Variants in NFX1 observed in about 807,000 individuals in gnomAD.
The protein encoded by NFX1 is nuclear transcription factor, X-box binding 1, also known as transcriptional repressor NF-X1.
Under a neutral mutation model 137.2 loss-of-function variants are expected in NFX1, and 69 were observed. The ratio of observed to expected loss-of-function variants is 0.50; its 90% confidence interval spans 0.41 to 0.61. The LOEUF is 0.61. Among genes scored for constraint, NFX1 ranks in the 20% least tolerant of loss-of-function variants. NFX1 has a pLI of 0.00. For synonymous variants in NFX1, 495 were observed against 474.1 expected (o/e 1.04, Z -0.57); for missense variants, 1,167 against 1,391.0 (o/e 0.84, Z 2.56).
chr9:33,342,683 G>T, intron 12 of NFX1, 63 bp from the exon 13 acceptor site: 1 of 1,100,106 alleles, frequency 9.1e-7, no homozygotes, highest in Non-Finnish European at 1.3e-6. Context: ...TAATCTTGTT[G>T]TTATTTATGG....
At chr9:33,314,398 C>T (rs1010137157) in intron 7 of NFX1, among the ~76,000 whole-genome samples, 8 of 151,732 alleles carry the variant, frequency 5.3e-5, no homozygotes, top group East Asian at 3.9e-4. Context: ...ATGAACTGGC[C>T]GGGCATAGTG....
intron 9 of NFX1, among the ~76,000 whole-genome samples, chr9:33,324,223 A>G (rs569889381): frequency 6.6e-6 from 1 of 152,286 alleles, no homozygotes; most frequent in Non-Finnish European, 1.5e-5. Flanking sequence ...TACTAAAAAT[A>G]TAAAAATTAG....
In NFX1 at chr9:33,294,495, C is replaced by T; in HGVS notation, c.101C>T (p.Thr34Ile). Residue 34 changes from threonine to isoleucine, a missense_variant, in exon 2 of 24, where the codon ACT becomes ATT. Coordinates refer to ENST00000379540, the MANE Select transcript of NFX1 (RefSeq NM_002504.6). ...AAAAATTCTGGTCTAAATTGTGGGA[C>T]TCAAAGGAGACTAGACTCTAATAGG... ...EKKNSGLNCG[T>I]QRRLDSNRIG... The T allele has an allele frequency of 6.2e-7, 1 of 1,613,396 alleles. No homozygotes were observed. Among genetic ancestry groups the T allele is most frequent in the South Asian group, 1.1e-5 (1 of 90,992 alleles).
intron 19 of NFX1, among the ~76,000 whole-genome samples, chr9:33,356,386 G>C (rs1823810759): frequency 6.6e-6 from 1 of 152,046 alleles, no homozygotes; most frequent in African/African-American, 2.4e-5. Context: ...TTGGCTCTAT[G>C]TATACATTGT....
intron 9 of NFX1, among the ~76,000 whole-genome samples, chr9:33,323,752 CA>C (rs1379726793): frequency 1.2e-4 from 14 of 117,128 alleles, no homozygotes; most frequent in Admixed American, 1.8e-4. Context: ...GACTTCATCT[CA>C]AAAAAAAAAA....
At chr9:33,304,928 C>T (rs991646678) in intron 4 of NFX1, among the ~76,000 whole-genome samples, 1 of 152,064 alleles carries the variant, frequency 6.6e-6, no homozygotes, top group African/African-American at 2.4e-5. Context: ...CCTCTACTGG[C>T]AAATTAGATG....
At chr9:33,321,507 A>G (rs1330939075) in intron 9 of NFX1, among the ~76,000 whole-genome samples, 2 of 152,174 alleles carry the variant, frequency 1.3e-5, no homozygotes, top group Non-Finnish European at 2.9e-5. Context: ...GTTCTACTTT[A>G]AAGATGGTAG....
chr9:33,368,722 CTG>C (rs1292481461), intron 23 of NFX1, among the ~76,000 whole-genome samples: 1 of 152,226 alleles, frequency 6.6e-6, no homozygotes, highest in African/African-American at 2.4e-5. Flanking sequence ...AGTACCTCCT[CTG>C]TGATTCCTGC....
intron 4 of NFX1, among the ~76,000 whole-genome samples, chr9:33,303,503 C>G (rs1821647538): frequency 6.6e-6 from 1 of 152,178 alleles, no homozygotes. Context: ...GGCTGTAGTG[C>G]TTGTCTCCTT....
At chr9:33,351,524 T>A in intron 15 of NFX1, 36 bp from the exon 16 acceptor site, 1 of 1,577,452 alleles carries the variant, frequency 6.3e-7, no homozygotes, top group Non-Finnish European at 8.7e-7. Context: ...AAATCCCACA[T>A]GGAGATGAGA....
intron 17 of NFX1, 54 bp from the exon 18 acceptor site, chr9:33,354,032 G>A: frequency 6.7e-7 from 1 of 1,495,296 alleles, no homozygotes; most frequent in Non-Finnish European, 9.1e-7. Flanking sequence ...CAAGTATAAG[G>A]AGGTTCTTGT....
chr9:33,304,225 G>T (rs1821675420), intron 4 of NFX1, among the ~76,000 whole-genome samples: 1 of 152,150 alleles, frequency 6.6e-6, no homozygotes, highest in Admixed American at 6.5e-5. Context: ...TCATGCCATT[G>T]CACTCCAGCC....
Position 33,311,102 on chromosome 9 carries a change from T to G in NFX1, c.1377-4T>G, listed in dbSNP as rs706128. 3 of 1,614,100 alleles carry G rather than the reference T, an allele frequency of 1.9e-6. No homozygotes were observed. In the South Asian group the frequency reaches 3.3e-5, roughly 18 times the overall value. On this transcript the variant is annotated splice_polypyrimidine_tract_variant and splice_region_variant and intron_variant, in intron 5 of 23. Transcript: ENST00000379540. Reference sequence around the variant, plus strand: ...GTTTATTCAGTGAAACCTTTCTCTTTCAGTCTCTGCCATCCAGGACCCTGC... The same window carrying G: ...GTTTATTCAGTGAAACCTTTCTCTTGCAGTCTCTGCCATCCAGGACCCTGC...
At position 33,332,602 on chromosome 9, in the gene NFX1, A is replaced by C. The variant is rs1822848315; in HGVS notation, c.2035+100A>C. 3 of 790,670 alleles carry C rather than the reference A, an allele frequency of 3.8e-6. No individual in the cohort carries two copies. The East Asian group carries it at 8.2e-5, about 22-fold the overall frequency. The allele number at this position is 790,670 out of a possible 1,614,324, so 49.0% of individuals were successfully genotyped here. A position where few individuals can be genotyped will look rare whatever the true frequency, so the allele number is the denominator to read the frequency against. The stretch of plus-strand genomic sequence containing the variant: ...GTTATGTATTTGTCAAAATTCAGTG[A>C]AGGCATACTTAAGATTTGTGGTATA... On this transcript the variant is annotated intron_variant, in intron 11 of 23. Transcript: ENST00000379540.
intron 17 of NFX1, 53 bp downstream of exon 17, chr9:33,352,772 G>A: frequency 2.7e-6 from 4 of 1,461,696 alleles, no homozygotes; most frequent in Non-Finnish European, 3.8e-6. Context: ...ACAGATACAT[G>A]TGTTTTGTTT....
chr9:33,298,746 T>C (rs1442035048), intron 2 of NFX1, among the ~76,000 whole-genome samples: 3 of 152,166 alleles, frequency 2.0e-5, no homozygotes, highest in Non-Finnish European at 2.9e-5. Flanking sequence ...GTTGTGCCAC[T>C]GCACTCTAGC....
At chr9:33,299,912 A>C (rs949512428) in intron 2 of NFX1, among the ~76,000 whole-genome samples, 1 of 152,122 alleles carries the variant, frequency 6.6e-6, no homozygotes, top group East Asian at 1.9e-4. Flanking sequence ...AGGAGAGCCA[A>C]TATTATGGAA....
At chr9:33,346,427 T>A (rs1823423045) in intron 14 of NFX1, among the ~76,000 whole-genome samples, 1 of 152,172 alleles carries the variant, frequency 6.6e-6, no homozygotes, top group Non-Finnish European at 1.5e-5. Context: ...GTTCTTAACA[T>A]TCTCCGAGAG....
intron 2 of NFX1, among the ~76,000 whole-genome samples, chr9:33,295,672 A>C (rs1262648911): frequency 1.3e-5 from 2 of 152,184 alleles, no homozygotes; most frequent in Non-Finnish European, 2.9e-5. Flanking sequence ...TTTCCAAATG[A>C]GGAATTTTGT....
Sources: allele counts gnomAD v4.1 joint callset (sites outside exome capture counted in the v4.1 genomes callset), GRCh38; gene constraint gnomAD v4.1.1; transcripts MANE v1.5; gene names NCBI Gene and HGNC (gene_info 2026-07-23, HGNC 2026-07-21).